The following KIF25 variants were observed in gnomAD, a reference collection of about 807,000 sequenced individuals.
KIF25 encodes kinesin-like protein KIF25.
KIF25 carries 19 observed loss-of-function variants against 32.9 expected under a neutral mutation model. That is an observed-to-expected ratio of 0.58 (90% CI 0.40 to 0.85). The LOEUF (loss-of-function observed/expected upper bound fraction) is 0.85. KIF25 is among the 40% of genes least tolerant of loss of function. The pLI, the probability that KIF25 is intolerant of heterozygous loss-of-function variation, is 0.00. For synonymous variants in KIF25, 225 were observed against 213.7 expected, an observed-to-expected ratio of 1.05 and a Z score of -0.46; for missense variants, 485 against 507.0, an observed-to-expected ratio of 0.96 and a Z score of 0.42.
chr6:168,030,630 G>GA, intron 6 of KIF25, 143 bp from the exon 7 acceptor site: 1 of 580,250 alleles, frequency 1.7e-6, no homozygotes, highest in Non-Finnish European at 3.1e-6. Flanking sequence ...AAATAACACA[G>GA]ATTAATCTTT....
intron 4 of KIF25, among the ~76,000 whole-genome samples, chr6:168,009,152 C>A (rs1219639209): frequency 6.6e-6 from 1 of 151,994 alleles, no homozygotes; most frequent in East Asian, 1.9e-4. Flanking sequence ...TTGTCTTATT[C>A]CAGTCCTTAA....
chr6:168,007,076 A>T (rs1044157596), intron 4 of KIF25, among the ~76,000 whole-genome samples: 1 of 152,240 alleles, frequency 6.6e-6, no homozygotes, highest in African/African-American at 2.4e-5. Flanking sequence ...TAATATACAG[A>T]TGTATATGAT....
chr6:168,020,506 T>C (rs972980288), intron 5 of KIF25, among the ~76,000 whole-genome samples: 1 of 151,810 alleles, frequency 6.6e-6, no homozygotes, highest in African/African-American at 2.4e-5. Flanking sequence ...AGTTAACTGA[T>C]TAAAGAAAAA....
intron 6 of KIF25, 75 bp downstream of exon 6, chr6:168,029,752 AT>A: frequency 6.6e-7 from 1 of 1,511,164 alleles, no homozygotes; most frequent in Admixed American, 2.2e-5. Flanking sequence ...TCACTTTTCT[AT>A]TCTTTCTACT....
At chr6:168,027,835 CT>C (rs1562387526) in intron 5 of KIF25, among the ~76,000 whole-genome samples, 1 of 152,190 alleles carries the variant, frequency 6.6e-6, no homozygotes, top group African/African-American at 2.4e-5. Context: ...ACATTCGCAT[CT>C]TTTTTTCTGT....
intron 2 of KIF25, among the ~76,000 whole-genome samples, chr6:168,001,694 AGGTGAGAAGACACCTGAGGCGTGGCCG>A: frequency 8.5e-6 from 1 of 118,158 alleles, no homozygotes; most frequent in African/African-American, 3.4e-5. Context: ...GGCCTCGGGC[AGGTGAGAAGACACCTGAGGCGTGGCCG>A]CGGGCAGGTG....
chr6:168,021,839 C>A (rs1234704697), intron 5 of KIF25, among the ~76,000 whole-genome samples: 1 of 152,212 alleles, frequency 6.6e-6, no homozygotes. Context: ...GCTGGGATTT[C>A]TTAGCCTTTG....
At position 167,999,159 on chromosome 6, in the gene KIF25, C is replaced by T. The variant is rs886708264; in HGVS notation, c.-531C>T. The T allele has an allele frequency of 6.6e-6, 1 of 152,330 alleles. No homozygotes were observed. Among genetic ancestry groups the T allele is most frequent in the East Asian group, 1.9e-4 (1 of 5,202 alleles). The allele number at this position is 152,330 out of a possible 1,614,324, so 9.4% of individuals were successfully genotyped here. A position where few individuals can be genotyped will look rare whatever the true frequency, so the allele number is the denominator to read the frequency against. On this transcript the variant is annotated 5_prime_UTR_variant, in exon 2 of 13. Transcript: ENST00000643607. ...GCGTCTCAGGAGCTGGTGCCCGGTG[C>T]ACGTTCAGTGGGGGATGCTCCGCAG...
rs577419555 is a variant in KIF25, at chr6:168,001,971, G to A, written c.-369-572G>A. The stretch of plus-strand genomic sequence containing the variant: ...AGGCGTGGCCGCGGGCAGGTGAGAA[G>A]ACACCTTCAGGCGTAGCCTCAGGCA... On this transcript the variant is annotated intron_variant, in intron 2 of 12. Coordinates refer to ENST00000643607, the MANE Select transcript of KIF25 (RefSeq NM_030615.4). Among the ~76,000 whole-genome samples, 106 of 127,574 alleles carry A rather than the reference G, an allele frequency of 8.3e-4. 3 individuals are homozygous for A. The East Asian group carries it at 0.027, about 32-fold the overall frequency. The allele number at this position is 127,574 out of a possible 152,430, so 83.7% of individuals were successfully genotyped here. A position where few individuals can be genotyped will look rare whatever the true frequency, so the allele number is the denominator to read the frequency against.
intron 4 of KIF25, among the ~76,000 whole-genome samples, chr6:168,014,151 A>C (rs1282846856): frequency 6.6e-6 from 1 of 152,146 alleles, no homozygotes; most frequent in Non-Finnish European, 1.5e-5. Context: ...TTATAAGTGA[A>C]CACACAGAGT....
intron 2 of KIF25, among the ~76,000 whole-genome samples, chr6:168,000,458 T>A (rs1245144237): frequency 2.0e-4 from 11 of 54,980 alleles, no homozygotes; most frequent in Non-Finnish European, 3.6e-4. Context: ...TCCCATCCTG[T>A]CTACACCTGA....
intron 4 of KIF25, among the ~76,000 whole-genome samples, chr6:168,006,103 T>A (rs1798576020): frequency 6.6e-6 from 1 of 152,140 alleles, no homozygotes; most frequent in African/African-American, 2.4e-5. Context: ...GTAAAGATAA[T>A]CCTGATGCCA....
At chr6:168,003,437 G>A (rs1303291868) in intron 3 of KIF25, among the ~76,000 whole-genome samples, 177 bp from the exon 4 acceptor site, 6 of 152,222 alleles carry the variant, frequency 3.9e-5, no homozygotes, top group Non-Finnish European at 5.9e-5. Context: ...AGTGTCCTGG[G>A]AGACCAGGAC....
chr6:168,039,184 C>T (rs1562391813), intron 9 of KIF25, among the ~76,000 whole-genome samples: 1 of 151,828 alleles, frequency 6.6e-6, no homozygotes, highest in African/African-American at 2.4e-5. Flanking sequence ...TTAAAAAAAC[C>T]TTCATAAGAG....
At chr6:168,031,698 C>G (rs888220605) in intron 7 of KIF25, among the ~76,000 whole-genome samples, 4 of 152,184 alleles carry the variant, frequency 2.6e-5, no homozygotes, top group Non-Finnish European at 5.9e-5. Context: ...AAGTAGGCAT[C>G]TTTTAAGTAA....
At chr6:168,009,000 T>C (rs1798613779) in intron 4 of KIF25, among the ~76,000 whole-genome samples, 1 of 152,146 alleles carries the variant, frequency 6.6e-6, no homozygotes, top group Non-Finnish European at 1.5e-5. Flanking sequence ...ATTTTCTATA[T>C]ATCAGATCAT....
At chr6:168,010,900 G>C (rs1223108975) in intron 4 of KIF25, among the ~76,000 whole-genome samples, 1 of 151,980 alleles carries the variant, frequency 6.6e-6, no homozygotes, top group Middle Eastern at 3.2e-3. Context: ...CTTGAAGTCT[G>C]CTTTATCTTA....
chr6:168,035,839 A>T lies in KIF25; in HGVS notation c.317+1808A>T, dbSNP rs1799017553. ...CCGGGCAAGGCCGTACTCTCCCTAC[A>T]CCTCACCTTCGTCGTTTGCAGAAAC... On this transcript the variant is annotated intron_variant, in intron 8 of 12. Coordinates refer to ENST00000643607, the MANE Select transcript of KIF25 (RefSeq NM_030615.4). 4 of 445,676 alleles carry T rather than the reference A, an allele frequency of 9.0e-6. No homozygotes were observed. The Admixed American group carries it at 9.5e-5, about 11-fold the overall frequency. The allele number at this position is 445,676 out of a possible 1,614,324, so 27.6% of individuals were successfully genotyped here. A position where few individuals can be genotyped will look rare whatever the true frequency, so the allele number is the denominator to read the frequency against.
At chr6:168,005,197 C>T (rs142749574) in intron 4 of KIF25, among the ~76,000 whole-genome samples, 23 of 152,198 alleles carry the variant, frequency 1.5e-4, no homozygotes, top group African/African-American at 4.6e-4. Flanking sequence ...GGGGGAAGTC[C>T]GAATGTGTCC....
Sources: gnomAD v4.1 joint callset for allele counts (sites outside exome capture counted in the v4.1 genomes callset) on GRCh38, gnomAD v4.1.1 for gene constraint, MANE v1.5 for transcripts, NCBI Gene and HGNC (gene_info 2026-07-23, HGNC 2026-07-21) for gene names.